PCDH15: variants seen among roughly 807,000 people sequenced by gnomAD.
PCDH15 encodes protocadherin-15.
Under a neutral mutation model 178.5 loss-of-function variants are expected in PCDH15, and 129 were observed. The observed-to-expected ratio is 0.72, with a 90% CI of 0.63 to 0.84. The LOEUF is 0.84. PCDH15 is among the 40% of genes least tolerant of loss of function. The pLI is 0.00. For synonymous variants in PCDH15, 800 were observed against 732.0 expected, an observed-to-expected ratio of 1.09 and a Z score of -1.50; for missense variants, 2,230 against 2,099.9, an observed-to-expected ratio of 1.06 and a Z score of -1.21.
chr10:54,422,123 A>C (rs1409981509), intron 3 of PCDH15, among the ~76,000 whole-genome samples: 9 of 151,654 alleles, frequency 5.9e-5, no homozygotes, highest in African/African-American at 1.9e-4. Flanking sequence ...ATAGATTGAG[A>C]TTTGCCGAGG....
Position 53,806,735 on chromosome 10 carries a change from C to CAA in PCDH15, c.5066_5067insTT (p.Arg1689SerfsTer2), listed in dbSNP as rs749426102. On this transcript the variant is annotated frameshift_variant, in exon 38 of 38. Transcript: ENST00000644397. LOFTEE classifies it high-confidence loss of function. Reference sequence around the variant, plus strand: ...GTTCAACTGTGCTTTTCAGCCTGTTCCTTAGTGGCTTCACCGCTGTATTGT... The same window carrying CAA: ...GTTCAACTGTGCTTTTCAGCCTGTTCAACTTAGTGGCTTCACCGCTGTATTGT... 3 of 1,613,794 alleles carry CAA rather than the reference C, an allele frequency of 1.9e-6. No individual in the cohort carries two copies. Among genetic ancestry groups the CAA allele is most frequent in the Non-Finnish European group, 2.5e-6 (3 of 1,179,800 alleles).
At chr10:55,352,788 A>T (rs1844972367) in intron 2 of PCDH15, among the ~76,000 whole-genome samples, 1 of 152,096 alleles carries the variant, frequency 6.6e-6, no homozygotes. Context: ...GAGTGGTTGG[A>T]CTGAGAAGAA....
chr10:54,560,878 A>C (rs2088047975), intron 2 of PCDH15, among the ~76,000 whole-genome samples: 1 of 152,144 alleles, frequency 6.6e-6, no homozygotes, highest in Non-Finnish European at 1.5e-5. Flanking sequence ...GCTAACATTA[A>C]AACCATTGGA....
chr10:54,451,351 T>A (rs1406268395), intron 3 of PCDH15, among the ~76,000 whole-genome samples: 1 of 151,950 alleles, frequency 6.6e-6, no homozygotes, highest in African/African-American at 2.4e-5. Flanking sequence ...GTGAGCATTA[T>A]CTTTTGTGGT....
At chr10:55,066,125 TA>T (rs1219257526) in intron 2 of PCDH15, among the ~76,000 whole-genome samples, 5 of 151,968 alleles carry the variant, frequency 3.3e-5, no homozygotes, top group African/African-American at 1.2e-4. Context: ...CAGCTTATTA[TA>T]TTTTTAATCG....
intron 1 of PCDH15, among the ~76,000 whole-genome samples, chr10:54,709,791 C>T (rs1455780830): frequency 6.7e-6 from 1 of 148,538 alleles, no homozygotes; most frequent in Non-Finnish European, 1.5e-5. Context: ...ATAAGGCTTA[C>T]ATTGAATGAG....
intron 2 of PCDH15, among the ~76,000 whole-genome samples, chr10:54,587,965 C>T (rs889953518): frequency 2.6e-5 from 4 of 152,086 alleles, no homozygotes; most frequent in Non-Finnish European, 4.4e-5. Context: ...TTTTCCTACA[C>T]ATTTGTAAGT....
intron 2 of PCDH15, among the ~76,000 whole-genome samples, chr10:55,593,487 T>C (rs949788971): frequency 3.9e-5 from 6 of 151,934 alleles, no homozygotes; most frequent in Non-Finnish European, 7.4e-5. Context: ...GAATTACACT[T>C]TATCTGACAA....
chr10:55,394,453 CA>C (rs753750849), intron 2 of PCDH15, among the ~76,000 whole-genome samples: 5 of 151,560 alleles, frequency 3.3e-5, no homozygotes, highest in African/African-American at 4.8e-5. Context: ...AAAACAAAAG[CA>C]AAAACAAAAA....
chr10:55,525,707 A>G (rs1841288952), intron 2 of PCDH15, among the ~76,000 whole-genome samples: 1 of 151,872 alleles, frequency 6.6e-6, no homozygotes, highest in Non-Finnish European at 1.5e-5. Flanking sequence ...AGACAATGTA[A>G]TTTTTCTTGA....
chr10:55,025,088 T>C (rs1840442508), intron 2 of PCDH15, among the ~76,000 whole-genome samples: 1 of 152,194 alleles, frequency 6.6e-6, no homozygotes. Context: ...CTAATACCTT[T>C]TAATGTCTCT....
At chr10:55,584,958 G>T (rs1479994108) in intron 2 of PCDH15, among the ~76,000 whole-genome samples, 1 of 150,630 alleles carries the variant, frequency 6.6e-6, no homozygotes, top group Non-Finnish European at 1.5e-5. Flanking sequence ...GGAAAATTTT[G>T]ACATCATTAA....
intron 2 of PCDH15, chr10:55,575,783 T>C (rs1842486132): frequency 6.6e-6 from 1 of 152,184 alleles, no homozygotes; most frequent in Non-Finnish European, 1.5e-5. Context: ...ACAATTCCCT[T>C]TGGACTAGCA....
intron 2 of PCDH15, among the ~76,000 whole-genome samples, chr10:55,421,354 AT>A (rs1278936917): frequency 6.6e-6 from 1 of 150,550 alleles, no homozygotes; most frequent in Non-Finnish European, 1.5e-5. Context: ...ATAATATTTT[AT>A]TTTTAACAAA....
intron 28 of PCDH15, among the ~76,000 whole-genome samples, chr10:53,854,593 C>G (rs963500034): frequency 6.6e-6 from 1 of 151,958 alleles, no homozygotes; most frequent in African/African-American, 2.4e-5. Context: ...GTAATAGGAT[C>G]TAAATCTCTG....
intron 1 of PCDH15, among the ~76,000 whole-genome samples, chr10:54,692,165 C>T (rs572282936): frequency 1.3e-5 from 2 of 152,238 alleles, no homozygotes; most frequent in South Asian, 4.1e-4. Flanking sequence ...TATTCATCTA[C>T]ATACACTGAA....
At chr10:53,842,280 G>A (rs2077702920) in intron 28 of PCDH15, among the ~76,000 whole-genome samples, 1 of 152,104 alleles carries the variant, frequency 6.6e-6, no homozygotes, top group Admixed American at 6.5e-5. Flanking sequence ...TTTTTGAGAT[G>A]GAGTCTCATT....
intron 26 of PCDH15, among the ~76,000 whole-genome samples, chr10:53,893,711 T>A (rs1261842076): frequency 1.3e-5 from 2 of 152,272 alleles, no homozygotes; most frequent in African/African-American, 4.8e-5. Flanking sequence ...AACCAAATAC[T>A]GTATGTTCTC....
intron 5 of PCDH15, among the ~76,000 whole-genome samples, chr10:54,359,648 G>T (rs1415584636): frequency 6.6e-6 from 1 of 151,658 alleles, no homozygotes; most frequent in African/African-American, 2.4e-5. Context: ...CCAATTATTT[G>T]TCAACAAATT....
Sources: allele counts gnomAD v4.1 joint callset (sites outside exome capture counted in the v4.1 genomes callset), GRCh38; gene constraint gnomAD v4.1.1; transcripts MANE v1.5; gene names NCBI Gene and HGNC (gene_info 2026-07-23, HGNC 2026-07-21).